The following ZEB1 variants were observed in gnomAD, a reference collection of about 807,000 sequenced individuals.
The protein encoded by ZEB1 is zinc finger E-box binding homeobox 1, also known as zinc finger E-box-binding homeobox 1.
In ZEB1, 21 loss-of-function variants were observed where a neutral mutation model predicts 84.9. The observed-to-expected ratio is 0.25, with a 90% CI of 0.18 to 0.36. The LOEUF is 0.36. ZEB1 is among the 10% of genes least tolerant of loss of function. The pLI, the probability that ZEB1 is intolerant of heterozygous loss-of-function variation, is 1.00. For missense variants in ZEB1, 1,104 were observed against 1,330.2 expected (o/e 0.83, Z 2.65); for synonymous variants, 420 against 471.1 (o/e 0.89, Z 1.41).
intron 1 of ZEB1, among the ~76,000 whole-genome samples, chr10:31,449,904 G>A (rs2060340110): frequency 6.6e-6 from 1 of 152,094 alleles, no homozygotes; most frequent in Non-Finnish European, 1.5e-5. Context: ...CATGTCAGGG[G>A]TATACTATTA....
chr10:31,389,440 T>A (rs1427115836), intron 1 of ZEB1, among the ~76,000 whole-genome samples: 1 of 152,168 alleles, frequency 6.6e-6, no homozygotes, highest in Non-Finnish European at 1.5e-5. Context: ...TCGGTATCTG[T>A]ATGCCACATT....
chr10:31,527,350 T>C lies in ZEB1; in HGVS notation c.*86T>C. The C allele has an allele frequency of 2.0e-6, 3 of 1,523,180 alleles. No individual in the cohort carries two copies. Among genetic ancestry groups the C allele is most frequent in the Non-Finnish European group, 2.6e-6 (3 of 1,135,668 alleles). The allele number at this position is 1,523,180 out of a possible 1,614,324, so 94.4% of individuals were successfully genotyped here. ...TGCTTTTCATGGAAACACAGTAACC[T>C]GTATGCTGTGATTCCTGTTCACTAC... is the stretch of plus-strand genomic sequence containing the variant. On this transcript the variant is annotated 3_prime_UTR_variant, in exon 9 of 9. Coordinates refer to ENST00000424869, the MANE Select transcript of ZEB1 (RefSeq NM_001174096.2).
At chr10:31,395,406 G>A (rs1390749997) in intron 1 of ZEB1, among the ~76,000 whole-genome samples, 1 of 152,088 alleles carries the variant, frequency 6.6e-6, no homozygotes, top group Non-Finnish European at 1.5e-5. Flanking sequence ...GATATGAAAG[G>A]CATTGGTGAA....
intron 2 of ZEB1, among the ~76,000 whole-genome samples, chr10:31,484,701 G>A (rs941499589): frequency 3.3e-5 from 5 of 151,748 alleles, no homozygotes; most frequent in African/African-American, 7.3e-5. Context: ...TAGTTTTTAC[G>A]GTAAATGAAT....
At chr10:31,349,880 C>T (rs1252099905) in intron 1 of ZEB1, among the ~76,000 whole-genome samples, 1 of 152,058 alleles carries the variant, frequency 6.6e-6, no homozygotes, top group East Asian at 1.9e-4. Context: ...TGTCTCTTCA[C>T]TCTTGATTGT....
At chr10:31,523,599 A>G (rs920532046) in intron 7 of ZEB1, among the ~76,000 whole-genome samples, 1 of 152,258 alleles carries the variant, frequency 6.6e-6, no homozygotes, top group South Asian at 2.1e-4. Flanking sequence ...TAAAGTAATG[A>G]TTCACATGAA....
chr10:31,350,936 G>A (rs2041219723), intron 1 of ZEB1, among the ~76,000 whole-genome samples: 1 of 152,192 alleles, frequency 6.6e-6, no homozygotes, highest in Non-Finnish European at 1.5e-5. Flanking sequence ...GTTAGAGTTA[G>A]AAGTAGTGAG....
Position 31,461,028 on chromosome 10 carries a change from G to C in ZEB1, c.59-9G>C, listed in dbSNP as rs373042882. 4.6e-5 allele frequency: 74 copies of C among 1,606,244 alleles called. No individual in the cohort carries two copies. Among genetic ancestry groups the C allele is most frequent in the Admixed American group, 2.7e-4 (16 of 59,720 alleles). On this transcript the variant is annotated splice_polypyrimidine_tract_variant and intron_variant, in intron 1 of 8. Coordinates refer to ENST00000424869, the MANE Select transcript of ZEB1 (RefSeq NM_001174096.2). ...GGTTTTGATTATTTGTTTCTTGTTT[G>C]TATTACAGTTACAAATTATAATACT... is the stretch of plus-strand genomic sequence containing the variant.
chr10:31,484,686 A>G (rs1210003306), intron 2 of ZEB1, among the ~76,000 whole-genome samples: 1 of 151,924 alleles, frequency 6.6e-6, no homozygotes, highest in South Asian at 2.1e-4. Context: ...TGGGCTGGTT[A>G]TTCTTAGTTT....
intron 6 of ZEB1, among the ~76,000 whole-genome samples, chr10:31,516,764 C>T (rs2071239393): frequency 6.6e-6 from 1 of 151,788 alleles, no homozygotes; most frequent in Non-Finnish European, 1.5e-5. Context: ...TCAATAGAAG[C>T]CAGTCATAGT....
At chr10:31,503,884 A>C (rs1348420582) in intron 4 of ZEB1, among the ~76,000 whole-genome samples, 1 of 152,018 alleles carries the variant, frequency 6.6e-6, no homozygotes, top group Admixed American at 6.6e-5. Context: ...GTTTATTCAT[A>C]TCCTTTGCCC....
intron 1 of ZEB1, among the ~76,000 whole-genome samples, chr10:31,443,756 C>G (rs223551): frequency 0.22 from 32,739 of 145,550 alleles, 8,738 homozygotes; most frequent in African/African-American, 0.67. Context: ...CATTTTTTAT[C>G]GCTGCATAGT....
Position 31,473,557 on chromosome 10 carries a change from A to G in ZEB1, c.259+12320A>G, listed in dbSNP as rs551779508. ...ACAAACCACTGGTCAAGGAAATAAA[A>G]GAGGATACAAACAAATGGAAGAACA... On this transcript the variant is annotated intron_variant, in intron 2 of 8. Transcript: ENST00000424869. Among the ~76,000 whole-genome samples the G allele has an allele frequency of 4.0e-5, 6 of 151,358 alleles. No individual in the cohort carries two copies. In the East Asian group the frequency reaches 9.7e-4, roughly 24 times the overall value.
At chr10:31,507,305 A>T (rs1207843975) in intron 4 of ZEB1, among the ~76,000 whole-genome samples, 1 of 152,142 alleles carries the variant, frequency 6.6e-6, no homozygotes, top group African/African-American at 2.4e-5. Context: ...ATAATGTGCC[A>T]TGGAGAAGAT....
At chr10:31,404,895 C>G (rs926379778) in intron 1 of ZEB1, among the ~76,000 whole-genome samples, 1 of 152,060 alleles carries the variant, frequency 6.6e-6, no homozygotes, top group Non-Finnish European at 1.5e-5. Context: ...GTCAAGGTCA[C>G]AGGGAGAAAA....
At chr10:31,324,008 C>G (rs1006730150) in intron 1 of ZEB1, among the ~76,000 whole-genome samples, 1 of 148,134 alleles carries the variant, frequency 6.8e-6, no homozygotes, top group Non-Finnish European at 1.5e-5. Context: ...AATAGTTTTT[C>G]ATTTCCTGAC....
chr10:31,521,299 C>G lies in ZEB1; in HGVS notation c.1967C>G (p.Pro656Arg). ...SSPEPGKVNI[P>R]AKNNDQPQSA... ...CCTGAACCAGGCAAAGTAAATATCC[C>G]TGCCAAGAACAATGATCAGCCTCAA... The change falls in exon 7 of 9, where the codon CCT becomes CGT. Residue 656 changes from proline (P) to arginine (R), a missense_variant. Pro to Arg is a moderately radical substitution (Grantham distance 103, BLOSUM62 -2). Around this residue, in one of 7 missense-constraint regions of ZEB1, gnomAD observed 531 missense variants for 575.2 expected, o/e 0.92. Transcript: ENST00000424869. 6.2e-7 allele frequency: 1 copy of G among 1,614,030 alleles called. No homozygotes were observed. The highest frequency in any genetic ancestry group is 1.1e-5 in the South Asian group (1 of 91,082).
intron 2 of ZEB1, among the ~76,000 whole-genome samples, chr10:31,463,529 A>G (rs2062039429): frequency 1.3e-5 from 2 of 152,194 alleles, no homozygotes; most frequent in Admixed American, 1.3e-4. Context: ...CAAGACCACC[A>G]AAGATAGTTT....
chr10:31,383,186 A>T lies in ZEB1; in HGVS notation c.58+63894A>T, dbSNP rs1027052502. On this transcript the variant is annotated intron_variant, in intron 1 of 8. Coordinates refer to ENST00000424869, the MANE Select transcript of ZEB1 (RefSeq NM_001174096.2). ...AATGATTATTTTTGGAGACTATAGA[A>T]CAACACTGTTCAGGAGAGCTTTGTG... Among the ~76,000 whole-genome samples the T allele has an allele frequency of 1.5e-4, 23 of 152,274 alleles. No individual in the cohort carries two copies. The South Asian group carries it at 1.7e-3, about 11-fold the overall frequency.
Sources: allele counts gnomAD v4.1 joint callset (sites outside exome capture counted in the v4.1 genomes callset), GRCh38; gene constraint gnomAD v4.1.1; regional missense constraint gnomAD v4.1.1; transcripts MANE v1.5; gene names NCBI Gene and HGNC (gene_info 2026-07-23, HGNC 2026-07-21).